Variants in FBXL18 observed in about 807,000 individuals in gnomAD.
FBXL18 encodes the protein F-box and leucine rich repeat protein 18, also known as F-box/LRR-repeat protein 18.
FBXL18 carries 36 observed loss-of-function variants against 46.0 expected under a neutral mutation model. The ratio of observed to expected loss-of-function variants is 0.78; its 90% CI spans 0.60 to 1.03. FBXL18 has a LOEUF of 1.03. FBXL18 is among the 50% of genes least tolerant of loss of function. The probability of loss-of-function intolerance (pLI) is 0.00; values close to 1 mark genes in which losing one functional copy is unlikely to be tolerated. For missense variants in FBXL18, 977 were observed against 1,004.1 expected (o/e 0.97, Z 0.36); for synonymous variants, 557 against 465.3 (o/e 1.20, Z -2.54).
intron 4 of FBXL18, among the ~76,000 whole-genome samples, chr7:5,465,689 G>A (rs954783338): frequency 2.1e-4 from 32 of 152,116 alleles, no homozygotes; most frequent in African/African-American, 7.5e-4. Flanking sequence ...GAGAGGGAGG[G>A]AGGGGAGAAA....
intron 4 of FBXL18, among the ~76,000 whole-genome samples, chr7:5,484,998 TCTCAAACTCCTGGG>T (rs1783737812): frequency 6.6e-6 from 1 of 152,212 alleles, no homozygotes; most frequent in South Asian, 2.1e-4. Flanking sequence ...CCCAGCCTGG[TCTCAAACTCCTGGG>T]CTCAAACAAT....
At chr7:5,507,126 G>C (rs1264645267) in intron 1 of FBXL18, among the ~76,000 whole-genome samples, 1 of 152,072 alleles carries the variant, frequency 6.6e-6, no homozygotes, top group African/African-American at 2.4e-5. Flanking sequence ...TCTGGGGACT[G>C]TGTCTACACG....
At chr7:5,464,675 A>AAC (rs1377526865) in intron 4 of FBXL18, among the ~76,000 whole-genome samples, 5 of 142,782 alleles carry the variant, frequency 3.5e-5, no homozygotes, top group African/African-American at 1.3e-4. Flanking sequence ...AAAAAAAAAA[A>AAC]AAAAAAAACA....
downstream of FBXL18, among the ~76,000 whole-genome samples, chr7:5,471,574 C>A (rs1368663389): frequency 6.7e-6 from 1 of 149,310 alleles, no homozygotes; most frequent in Non-Finnish European, 1.5e-5. Flanking sequence ...TCACGCCCGG[C>A]TAATTTTTTG....
Position 5,500,506 on chromosome 7 carries a change from T to C in FBXL18, c.1763A>G (p.Lys588Arg), listed in dbSNP as rs937387865. 1.9e-6 allele frequency: 3 copies of C among 1,606,920 alleles called. No individual in the cohort carries two copies. The highest frequency in any genetic ancestry group is 2.6e-6 in the Non-Finnish European group (3 of 1,175,592). The change falls in exon 3 of 5, where the codon AAG becomes AGG. Residue 588 changes from lysine (K) to arginine (R), a missense_variant. By Grantham distance (26) the Lys-to-Arg change is conservative. Transcript: ENST00000382368. ...CCCTCACCTGAGGTCCCTCAGCCGCTTGCAGTGCTTCAACATGTCTGAGAG... is the reference window on the plus strand; with the variant it reads ...CCCTCACCTGAGGTCCCTCAGCCGCCTGCAGTGCTTCAACATGTCTGAGAG... ...PALSDMLKHC[K>R]RLRDLRLEQP...
rs139228777 is a variant in FBXL18, at chr7:5,490,704, C to A, written c.2000+527G>T. Among the ~76,000 whole-genome samples, 431 of 152,352 alleles carry A rather than the reference C, an allele frequency of 2.8e-3. 5 individuals are homozygous for A. Among genetic ancestry groups the A allele is most frequent in the African/African-American group, 0.01 (416 of 41,588 alleles). ...TGCAGGCTGGGTGCGGTGGCTCATG[C>A]CTGTAATCCCAGCACTTTGGGAGGC... is the stretch of plus-strand genomic sequence containing the variant. On this transcript the variant is annotated intron_variant, in intron 4 of 4. Transcript: ENST00000382368.
chr7:5,513,160 G>A (rs1784584587), intron 1 of FBXL18, among the ~76,000 whole-genome samples: 2 of 152,120 alleles, frequency 1.3e-5, no homozygotes, highest in South Asian at 4.1e-4. Context: ...GAATTCCAGG[G>A]TACGTCGTAA....
intron 4 of FBXL18, among the ~76,000 whole-genome samples, chr7:5,470,248 G>A (rs1783406463): frequency 6.6e-6 from 1 of 152,176 alleles, no homozygotes; most frequent in South Asian, 2.1e-4. Flanking sequence ...CCGATCCCCA[G>A]AGGGACAGCA....
chr7:5,488,531 C>T (rs1263336736), intron 4 of FBXL18, among the ~76,000 whole-genome samples: 1 of 152,184 alleles, frequency 6.6e-6, no homozygotes, highest in Non-Finnish European at 1.5e-5. Flanking sequence ...CCCAGCCCTG[C>T]GGAGCTGAGA....
chr7:5,502,553 G>A (rs904606008), intron 2 of FBXL18, among the ~76,000 whole-genome samples: 1 of 151,248 alleles, frequency 6.6e-6, no homozygotes, highest in Non-Finnish European at 1.5e-5. Flanking sequence ...AAAAAAGGCC[G>A]GGCCCGGTGG....
intron 2 of FBXL18, 33 bp from the exon 3 acceptor site, chr7:5,502,064 G>T (rs762321603): frequency 6.7e-7 from 1 of 1,489,988 alleles, no homozygotes; most frequent in Non-Finnish European, 9.1e-7. Flanking sequence ...GGAGAGGAAG[G>T]AAAGGGCTGA....
At chr7:5,497,302 C>T (rs1364746308) in intron 3 of FBXL18, among the ~76,000 whole-genome samples, 2 of 152,092 alleles carry the variant, frequency 1.3e-5, no homozygotes, top group African/African-American at 2.4e-5. Flanking sequence ...TCAAAGCAGT[C>T]GCCCGTCCTG....
At chr7:5,488,532 G>A (rs560475326) in intron 4 of FBXL18, among the ~76,000 whole-genome samples, 19 of 152,300 alleles carry the variant, frequency 1.2e-4, no homozygotes, top group Middle Eastern at 3.4e-3. Flanking sequence ...CCAGCCCTGC[G>A]GAGCTGAGAC....
At chr7:5,497,144 G>A (rs1784102971) in intron 3 of FBXL18, among the ~76,000 whole-genome samples, 1 of 151,900 alleles carries the variant, frequency 6.6e-6, no homozygotes, top group Non-Finnish European at 1.5e-5. Flanking sequence ...CGAGGCTGCA[G>A]TGAGCTGTGA....
At chr7:5,471,345 C>T (rs867819800), downstream of FBXL18, among the ~76,000 whole-genome samples, 25 of 152,294 alleles carry the variant, frequency 1.6e-4, no homozygotes, top group Admixed American at 9.2e-4. Flanking sequence ...GGCGCGATCT[C>T]GGCTCACTAC....
intron 4 of FBXL18, among the ~76,000 whole-genome samples, chr7:5,485,110 A>G (rs1194505547): frequency 2.0e-5 from 3 of 152,166 alleles, no homozygotes; most frequent in Non-Finnish European, 1.5e-5. Context: ...CAAGCAAGGA[A>G]TGAAGCAGGG....
At chr7:5,473,376 C>T (rs1341018356), downstream of FBXL18, among the ~76,000 whole-genome samples, 3 of 152,164 alleles carry the variant, frequency 2.0e-5, no homozygotes, top group African/African-American at 7.2e-5. Context: ...CTCCTCCCAC[C>T]TCCTGCCACA....
At position 5,491,427 on chromosome 7, in the gene FBXL18, C is replaced by A; in HGVS notation, c.1804G>T (p.Ala602Ser). Residue 602 changes from alanine (A) to serine (S), a missense_variant, in exon 4 of 5, where the codon GCC becomes TCC. Coordinates refer to ENST00000382368, the MANE Select transcript of FBXL18 (RefSeq NM_024963.6). Reference sequence around the variant, plus strand: ...AGCGCCTGGAAGAACTGGGCGTTGGCGCTGAAGTAGGGCTGCTCCAGCCTG... The same window carrying A: ...AGCGCCTGGAAGAACTGGGCGTTGGAGCTGAAGTAGGGCTGCTCCAGCCTG... The part of the protein sequence containing the change: ...DLRLEQPYFS[A>S]NAQFFQALSQ... 1 of 1,594,520 alleles carries A rather than the reference C, an allele frequency of 6.3e-7. No individual in the cohort carries two copies. Among genetic ancestry groups the A allele is most frequent in the Non-Finnish European group, 8.5e-7 (1 of 1,172,222 alleles).
intron 4 of FBXL18, among the ~76,000 whole-genome samples, chr7:5,465,564 T>C (rs1783329449): frequency 6.6e-6 from 1 of 151,952 alleles, no homozygotes; most frequent in Non-Finnish European, 1.5e-5. Context: ...AGCTTTGAAC[T>C]CCTGGACTCA....
Sources: allele counts gnomAD v4.1 joint callset (sites outside exome capture counted in the v4.1 genomes callset), GRCh38; gene constraint gnomAD v4.1.1; transcripts MANE v1.5; gene names NCBI Gene and HGNC (gene_info 2026-07-23, HGNC 2026-07-21).